NCOA2: variants seen among roughly 807,000 people sequenced by gnomAD.
NCOA2 encodes the protein nuclear receptor coactivator 2.
A neutral mutation model predicts 145.1 loss-of-function variants in NCOA2; 21 were observed. The observed-to-expected ratio is 0.14, with a 90% CI of 0.10 to 0.21. The LOEUF is 0.21. Ranked by LOEUF, NCOA2 falls within the 10% of genes least tolerant of loss-of-function variation. NCOA2 has a pLI of 1.00. For synonymous variants in NCOA2, 619 were observed against 637.5 expected, an observed-to-expected ratio of 0.97 and a Z score of 0.44; for missense variants, 1,472 against 1,837.6, an observed-to-expected ratio of 0.80 and a Z score of 3.64.
chr8:70,177,902 G>C (rs1484817762), intron 4 of NCOA2, among the ~76,000 whole-genome samples: 1 of 152,084 alleles, frequency 6.6e-6, no homozygotes, highest in Non-Finnish European at 1.5e-5. Flanking sequence ...TGTTTCCTAT[G>C]GTATCTATAC....
chr8:70,147,109 TTC>T (rs1811155186), intron 12 of NCOA2, among the ~76,000 whole-genome samples: 4 of 142,048 alleles, frequency 2.8e-5, no homozygotes, highest in African/African-American at 1.1e-4. Context: ...ATGCAAATCT[TTC>T]GCGCGCGCGC....
At chr8:70,279,678 T>C (rs1223635988) in intron 2 of NCOA2, among the ~76,000 whole-genome samples, 1 of 152,190 alleles carries the variant, frequency 6.6e-6, no homozygotes, top group Non-Finnish European at 1.5e-5. Flanking sequence ...CAAGATTGGC[T>C]CAGGAACAGG....
At chr8:70,423,430 A>G in the NCOA2 span, among the ~76,000 whole-genome samples, 4 of 152,222 alleles carry the variant, frequency 2.6e-5, no homozygotes, top group African/African-American at 7.2e-5. Context: ...TGATCTGCCC[A>G]CCTTGGCCTC....
At chr8:70,260,265 C>T (rs558879019) in intron 2 of NCOA2, among the ~76,000 whole-genome samples, 47 of 152,022 alleles carry the variant, frequency 3.1e-4, no homozygotes, top group African/African-American at 1.1e-3. Flanking sequence ...GCAGCCTCGA[C>T]CTCCTGGGTT....
At chr8:70,455,186 C>T in the NCOA2 span, among the ~76,000 whole-genome samples, 6 of 152,146 alleles carry the variant, frequency 3.9e-5, no homozygotes, top group South Asian at 2.1e-4. Flanking sequence ...TTAAGAGTTA[C>T]GGATGTTTCC....
At chr8:70,392,049 T>C (rs1460013946) in intron 1 of NCOA2, among the ~76,000 whole-genome samples, 1 of 152,200 alleles carries the variant, frequency 6.6e-6, no homozygotes, top group Non-Finnish European at 1.5e-5. Context: ...TAAAAACATT[T>C]ATAGCAAAAT....
intron 1 of NCOA2, among the ~76,000 whole-genome samples, chr8:70,377,660 A>T (rs1334920093): frequency 1.3e-5 from 2 of 152,182 alleles, no homozygotes; most frequent in Non-Finnish European, 2.9e-5. Context: ...GCATTGAATT[A>T]AAAAGAATGT....
intron 11 of NCOA2, among the ~76,000 whole-genome samples, chr8:70,154,865 T>C (rs565896926): frequency 9.3e-4 from 142 of 152,336 alleles, no homozygotes; most frequent in Non-Finnish European, 1.8e-3. Flanking sequence ...AAGAGATCTA[T>C]TGTACAACAC....
intron 1 of NCOA2, among the ~76,000 whole-genome samples, chr8:70,376,550 A>G (rs879676647): frequency 6.6e-6 from 1 of 152,202 alleles, no homozygotes; most frequent in Admixed American, 6.5e-5. Context: ...CAGTTTGAAA[A>G]ATTCTATTAC....
the NCOA2 span, among the ~76,000 whole-genome samples, chr8:70,437,634 A>G: frequency 8.5e-5 from 13 of 152,210 alleles, no homozygotes; most frequent in Admixed American, 2.6e-4. Context: ...CAATACATTC[A>G]TGGATAGATT....
At chr8:70,318,046 T>C (rs1805750317) in intron 1 of NCOA2, among the ~76,000 whole-genome samples, 1 of 152,198 alleles carries the variant, frequency 6.6e-6, no homozygotes, top group South Asian at 2.1e-4. Flanking sequence ...TTGCAGGCCA[T>C]TTCACTTAGT....
intron 4 of NCOA2, among the ~76,000 whole-genome samples, chr8:70,185,762 TA>T (rs1196413759): frequency 6.6e-6 from 1 of 152,196 alleles, no homozygotes; most frequent in Non-Finnish European, 1.5e-5. Context: ...AGCTGACTGC[TA>T]AGACAAAAAC....
rs34652365 is a variant in NCOA2, at chr8:70,119,873, CT to C, written c.4383+1428del. Among the ~76,000 whole-genome samples, 1,089 of 144,122 alleles carry C rather than the reference CT, an allele frequency of 7.6e-3. 6 individuals are homozygous for C. The highest frequency in any genetic ancestry group is 0.013 in the Non-Finnish European group (830 of 65,502). The allele number at this position is 144,122 out of a possible 152,430, so 94.5% of individuals were successfully genotyped here. A position where few individuals can be genotyped will look rare whatever the true frequency, so the allele number is the denominator to read the frequency against. On this transcript the variant is annotated intron_variant, in intron 22 of 22. Transcript: ENST00000452400. Reference sequence around the variant, plus strand: ...AGAAATTATTCATGTCCTTTGTCCACTTTTTTTTTTTTTTGAGATGGAGTCT... The same window carrying C: ...AGAAATTATTCATGTCCTTTGTCCACTTTTTTTTTTTTTGAGATGGAGTCT...
intron 2 of NCOA2, among the ~76,000 whole-genome samples, chr8:70,246,678 T>C (rs536750823): frequency 6.6e-6 from 1 of 152,146 alleles, no homozygotes; most frequent in South Asian, 2.1e-4. Flanking sequence ...TTTTTCATCT[T>C]GCAAAACCGA....
At chr8:70,383,706 T>C (rs1341706398) in intron 1 of NCOA2, among the ~76,000 whole-genome samples, 1 of 152,172 alleles carries the variant, frequency 6.6e-6, no homozygotes, top group East Asian at 1.9e-4. Context: ...GGTTTCTCCA[T>C]GTTGGTCAAG....
At chr8:70,218,859 T>C (rs918947079) in intron 2 of NCOA2, among the ~76,000 whole-genome samples, 6 of 152,150 alleles carry the variant, frequency 3.9e-5, no homozygotes, top group African/African-American at 1.4e-4. Flanking sequence ...CCCTATATAG[T>C]AGGTATAGGT....
intron 12 of NCOA2, among the ~76,000 whole-genome samples, chr8:70,146,566 T>A (rs1811085966): frequency 6.6e-6 from 1 of 152,202 alleles, no homozygotes; most frequent in Non-Finnish European, 1.5e-5. Flanking sequence ...CATGACTTCC[T>A]CAGGTTTGGT....
chr8:70,403,324 C>T lies in NCOA2; in HGVS notation c.-77+376G>A, dbSNP rs1814548564. Among the ~76,000 whole-genome samples the T allele has an allele frequency of 2.0e-5, 3 of 151,424 alleles. No homozygotes were observed. In the South Asian group the frequency reaches 6.2e-4, roughly 31 times the overall value. On this transcript the variant is annotated intron_variant, in intron 1 of 22. Transcript: ENST00000452400. ...CGCGCCCGCACCCCCGGCCGCGCCT[C>T]GGCGCTCACCTCTCGCCCGCGCCGC... is the stretch of plus-strand genomic sequence containing the variant.
At chr8:70,244,857 C>T (rs1329653734) in intron 2 of NCOA2, 1 of 152,060 alleles carries the variant, frequency 6.6e-6, no homozygotes, top group African/African-American at 2.4e-5. Context: ...ATTTGGGTCA[C>T]ACTGTATCTA....
Sources: allele counts gnomAD v4.1 joint callset (sites outside exome capture counted in the v4.1 genomes callset), GRCh38; gene constraint gnomAD v4.1.1; transcripts MANE v1.5; gene names NCBI Gene and HGNC (gene_info 2026-07-23, HGNC 2026-07-21).